The following NRXN3 variants were observed in gnomAD, a reference collection of about 807,000 sequenced individuals.
NRXN3 encodes the protein neurexin III.
NRXN3 carries 32 observed loss-of-function variants against 137.6 expected under a neutral mutation model. The ratio of observed to expected loss-of-function variants is 0.23; its 90% CI spans 0.18 to 0.31. NRXN3 has a LOEUF of 0.31. NRXN3 is among the 10% of genes least tolerant of loss of function. The probability of loss-of-function intolerance (pLI) is 1.00; values close to 1 mark genes in which losing one functional copy is unlikely to be tolerated. For missense variants in NRXN3, 1,574 were observed against 2,062.5 expected (o/e 0.76, Z 4.59); for synonymous variants, 798 against 784.5 (o/e 1.02, Z -0.29).
At chr14:79,801,164 G>T (rs944940062) in intron 19 of NRXN3, among the ~76,000 whole-genome samples, 14 of 152,134 alleles carry the variant, frequency 9.2e-5, no homozygotes, top group African/African-American at 3.4e-4. Flanking sequence ...GTAACGATGA[G>T]GTCTGAAAGA....
At chr14:79,336,506 A>G (rs1459533999) in intron 15 of NRXN3, among the ~76,000 whole-genome samples, 2 of 152,180 alleles carry the variant, frequency 1.3e-5, no homozygotes, top group Non-Finnish European at 2.9e-5. Flanking sequence ...GTTGTAAATG[A>G]CTTTGCTCTT....
intron 4 of NRXN3, among the ~76,000 whole-genome samples, chr14:78,314,976 TTC>T (rs1567235808): frequency 2.3e-5 from 2 of 88,852 alleles, no homozygotes; most frequent in African/African-American, 1.1e-4. Context: ...CCTTCCTTCC[TTC>T]CTTCCTTCCT....
chr14:78,582,088 A>G (rs555498336), intron 4 of NRXN3, among the ~76,000 whole-genome samples: 2 of 152,364 alleles, frequency 1.3e-5, no homozygotes, highest in Admixed American at 1.3e-4. Flanking sequence ...AAGTGCATCC[A>G]TATCAGTGAG....
At chr14:78,988,771 A>ATG (rs72539794) in intron 15 of NRXN3, among the ~76,000 whole-genome samples, 15,641 of 149,270 alleles carry the variant, frequency 0.1, 1,708 homozygotes, top group East Asian at 0.43. Context: ...GTGTATATAT[A>ATG]TGTGTGTGTG....
At chr14:78,612,602 G>T (rs1374067505) in intron 4 of NRXN3, among the ~76,000 whole-genome samples, 2 of 152,184 alleles carry the variant, frequency 1.3e-5, no homozygotes, top group East Asian at 3.9e-4. Flanking sequence ...TGAACATACT[G>T]ACCAGGATTT....
intron 15 of NRXN3, among the ~76,000 whole-genome samples, chr14:79,062,989 G>C (rs558295611): frequency 1.3e-5 from 2 of 152,098 alleles, no homozygotes; most frequent in Admixed American, 6.5e-5. Flanking sequence ...TTTGAGAAAG[G>C]GGGGGAGGAG....
In NRXN3 at chr14:79,551,645, G is replaced by GCGTGGACT. The variant is rs1324189918; in HGVS notation, c.3444+84245_3444+84252dup. Among the ~76,000 whole-genome samples the GCGTGGACT allele has an allele frequency of 1.4e-4, 22 of 152,268 alleles. No individual in the cohort carries two copies. The South Asian group carries it at 2.3e-3, about 16-fold the overall frequency. ...GAGCTGTCTGTCTTTATTCTGACAGGCGTGGACTCCAGTGTTTAGCTCAAG... is the reference window on the plus strand; with the variant it reads ...GAGCTGTCTGTCTTTATTCTGACAGGCGTGGACTCGTGGACTCCAGTGTTTAGCTCAAG... On this transcript the variant is annotated intron_variant, in intron 16 of 20. Transcript: ENST00000335750.
chr14:78,938,933 C>CT (rs1201784152), intron 10 of NRXN3, among the ~76,000 whole-genome samples: 1 of 150,580 alleles, frequency 6.6e-6, no homozygotes, highest in Non-Finnish European at 1.5e-5. Flanking sequence ...CAGGCTCCGC[C>CT]CCCTGGGGTT....
chr14:78,736,027 G>A (rs1269873268), intron 8 of NRXN3, among the ~76,000 whole-genome samples: 2 of 152,090 alleles, frequency 1.3e-5, no homozygotes, highest in Admixed American at 1.3e-4. Flanking sequence ...TGACACTTCA[G>A]TGTAGCACTG....
Position 78,590,813 on chromosome 14 carries a change from G to A in NRXN3, c.758-54307G>A, listed in dbSNP as rs61976083. The stretch of plus-strand genomic sequence containing the variant: ...GGCTGTAATTCCAGCTACTCGGGAA[G>A]CTGAGGCACAAGAAGCAGAGGTTGC... On this transcript the variant is annotated intron_variant, in intron 4 of 20. Transcript: ENST00000335750. Among the ~76,000 whole-genome samples, 3 of 152,134 alleles carry A rather than the reference G, an allele frequency of 2.0e-5. No individual in the cohort carries two copies. In the East Asian group the frequency reaches 5.8e-4, roughly 29 times the overall value.
intron 6 of NRXN3, among the ~76,000 whole-genome samples, chr14:78,676,334 T>C (rs2098005945): frequency 6.6e-6 from 1 of 152,052 alleles, no homozygotes. Flanking sequence ...TGAAGGAAAT[T>C]AAAAGTGGGC....
At chr14:79,621,964 T>A (rs1375981726) in intron 16 of NRXN3, among the ~76,000 whole-genome samples, 1 of 152,126 alleles carries the variant, frequency 6.6e-6, no homozygotes, top group African/African-American at 2.4e-5. Flanking sequence ...CAAGCCCCAC[T>A]CCAAACTTAA....
At chr14:79,412,629 A>T (rs2095433565) in intron 15 of NRXN3, among the ~76,000 whole-genome samples, 1 of 151,592 alleles carries the variant, frequency 6.6e-6, no homozygotes. Context: ...AAAAAATACA[A>T]AAAAGTAGCC....
chr14:79,808,625 C>A (rs551620579), intron 20 of NRXN3, among the ~76,000 whole-genome samples: 2 of 151,936 alleles, frequency 1.3e-5, no homozygotes, highest in East Asian at 1.9e-4. Context: ...ACTTTGCCAG[C>A]GAGTTTATTA....
At chr14:79,675,458 G>A (rs2098635684) in intron 17 of NRXN3, among the ~76,000 whole-genome samples, 1 of 152,018 alleles carries the variant, frequency 6.6e-6, no homozygotes, top group Admixed American at 6.6e-5. Flanking sequence ...TTCCCCATTA[G>A]GTTTAGCTGG....
At chr14:79,132,599 G>C (rs1172358905) in intron 15 of NRXN3, among the ~76,000 whole-genome samples, 2 of 152,136 alleles carry the variant, frequency 1.3e-5, no homozygotes, top group Admixed American at 6.5e-5. Context: ...CTCTTGGACT[G>C]TGTTGGCCTA....
intron 8 of NRXN3, among the ~76,000 whole-genome samples, chr14:78,795,283 G>C (rs61289428): frequency 9.2e-5 from 14 of 152,096 alleles, no homozygotes; most frequent in African/African-American, 2.9e-4. Flanking sequence ...TAAATACTAT[G>C]ATTTTCTTTC....
At chr14:79,373,164 C>T (rs1044649792) in intron 15 of NRXN3, among the ~76,000 whole-genome samples, 14 of 152,146 alleles carry the variant, frequency 9.2e-5, no homozygotes, top group African/African-American at 4.8e-5. Context: ...TACCTACACT[C>T]TTTTAAATAT....
intron 6 of NRXN3, among the ~76,000 whole-genome samples, chr14:78,700,209 A>T (rs893550873): frequency 6.6e-6 from 1 of 152,232 alleles, no homozygotes; most frequent in Non-Finnish European, 1.5e-5. Flanking sequence ...TAGTACATTT[A>T]CATGGGATTT....
Sources: gnomAD v4.1 joint callset for allele counts (sites outside exome capture counted in the v4.1 genomes callset) on GRCh38, gnomAD v4.1.1 for gene constraint, MANE v1.5 for transcripts, NCBI Gene and HGNC (gene_info 2026-07-23, HGNC 2026-07-21) for gene names.